FBXL7: variants seen among roughly 807,000 people sequenced by gnomAD.
FBXL7 encodes the protein F-box/LRR-repeat protein 7.
FBXL7 carries 12 observed loss-of-function variants against 38.3 expected under a neutral mutation model. The observed-to-expected ratio is 0.31, with a 90% CI of 0.20 to 0.51. The LOEUF (loss-of-function observed/expected upper bound fraction) is 0.51, where lower values mean the gene tolerates loss of function less well. Ranked by LOEUF, FBXL7 falls within the 20% of genes least tolerant of loss-of-function variation. The pLI is 0.98. For missense variants in FBXL7, 567 were observed against 676.4 expected, an observed-to-expected ratio of 0.84 and a Z score of 1.79; for synonymous variants, 297 against 300.9, an observed-to-expected ratio of 0.99 and a Z score of 0.13.
chr5:15,761,006 A>C (rs1204408414), intron 2 of FBXL7, among the ~76,000 whole-genome samples: 1 of 151,858 alleles, frequency 6.6e-6, no homozygotes, highest in South Asian at 2.1e-4. Context: ...CGAATATTGC[A>C]TGAATGGGAA....
At chr5:15,630,544 A>G (rs7736101) in intron 2 of FBXL7, among the ~76,000 whole-genome samples, 8,284 of 152,134 alleles carry the variant, frequency 0.054, 648 homozygotes, top group East Asian at 0.36. Flanking sequence ...TTCTTAGAGA[A>G]GAAAATAATA....
intron 2 of FBXL7, among the ~76,000 whole-genome samples, chr5:15,663,894 GTTA>G (rs942871609): frequency 2.0e-5 from 3 of 152,114 alleles, no homozygotes; most frequent in African/African-American, 7.2e-5. Context: ...CTGAAAGTCA[GTTA>G]TTATATCTTT....
At chr5:15,762,366 A>AGGGTGGGG (rs1561116459) in intron 2 of FBXL7, among the ~76,000 whole-genome samples, 8 of 140,120 alleles carry the variant, frequency 5.7e-5, no homozygotes, top group East Asian at 4.0e-4. Flanking sequence ...TCTGTTGGTT[A>AGGGTGGGG]GAAGCACCCT....
chr5:15,661,448 G>A (rs571729812), intron 2 of FBXL7, among the ~76,000 whole-genome samples: 1 of 152,200 alleles, frequency 6.6e-6, no homozygotes, highest in East Asian at 1.9e-4. Context: ...TAGAAGTAGT[G>A]ACAGCATACA....
intron 2 of FBXL7, among the ~76,000 whole-genome samples, chr5:15,676,567 A>G (rs1263198973): frequency 2.6e-5 from 4 of 152,208 alleles, no homozygotes; most frequent in Admixed American, 2.6e-4. Context: ...AGTTTTACGG[A>G]AAATATTTCT....
intron 2 of FBXL7, among the ~76,000 whole-genome samples, chr5:15,763,790 A>G (rs1736514970): frequency 6.6e-6 from 1 of 152,216 alleles, no homozygotes; most frequent in Non-Finnish European, 1.5e-5. Context: ...GAAAGAACCA[A>G]TAAAAAACAT....
At chr5:15,781,105 G>C (rs540594572) in intron 2 of FBXL7, among the ~76,000 whole-genome samples, 3 of 152,236 alleles carry the variant, frequency 2.0e-5, no homozygotes, top group East Asian at 1.9e-4. Flanking sequence ...GTACCACAAT[G>C]GTCCCGTTTG....
At chr5:15,734,388 G>A (rs527384154) in intron 2 of FBXL7, among the ~76,000 whole-genome samples, 2 of 152,200 alleles carry the variant, frequency 1.3e-5, no homozygotes, top group South Asian at 2.1e-4. Context: ...TGCTCTAAAT[G>A]TTACTAGCTG....
At chr5:15,601,487 G>A (rs1739790128) in intron 1 of FBXL7, among the ~76,000 whole-genome samples, 2 of 152,176 alleles carry the variant, frequency 1.3e-5, no homozygotes, top group Non-Finnish European at 2.9e-5. Flanking sequence ...GCTGGCATCT[G>A]TGTTAACTCT....
At chr5:15,503,251 T>C (rs1459232449) in intron 1 of FBXL7, among the ~76,000 whole-genome samples, 2 of 152,114 alleles carry the variant, frequency 1.3e-5, no homozygotes, top group South Asian at 4.2e-4. Flanking sequence ...TGAAACCCTG[T>C]CTCTACTAAA....
intron 1 of FBXL7, among the ~76,000 whole-genome samples, chr5:15,568,220 A>G (rs1738651052): frequency 6.6e-6 from 1 of 151,926 alleles, no homozygotes; most frequent in Non-Finnish European, 1.5e-5. Context: ...CCAACAGTGT[A>G]AAAGTGTTCC....
At chr5:15,705,321 G>T (rs557893430) in intron 2 of FBXL7, among the ~76,000 whole-genome samples, 1 of 152,276 alleles carries the variant, frequency 6.6e-6, no homozygotes, top group East Asian at 1.9e-4. Flanking sequence ...ACGTAAGCAT[G>T]CTAAATAGAT....
intron 2 of FBXL7, among the ~76,000 whole-genome samples, chr5:15,629,420 G>A (rs1221202524): frequency 6.6e-6 from 1 of 152,146 alleles, no homozygotes; most frequent in East Asian, 1.9e-4. Flanking sequence ...TCAATTTCTA[G>A]TATTGGGTAC....
chr5:15,667,814 C>T (rs1321901773), intron 2 of FBXL7, among the ~76,000 whole-genome samples: 1 of 152,224 alleles, frequency 6.6e-6, no homozygotes, highest in Non-Finnish European at 1.5e-5. Flanking sequence ...TATTTTCTTT[C>T]TAGTCACTAG....
chr5:15,839,254 T>C (rs1213535283), intron 2 of FBXL7, among the ~76,000 whole-genome samples: 1 of 152,114 alleles, frequency 6.6e-6, no homozygotes, highest in East Asian at 1.9e-4. Context: ...TGTAGTCAAA[T>C]TTATCTATCA....
Position 15,516,779 on chromosome 5 carries a change from T to C in FBXL7, c.37+16066T>C, listed in dbSNP as rs542746921. 3.3e-5 allele frequency among the ~76,000 whole-genome samples: 5 copies of C among 152,264 alleles called. No individual in the cohort carries two copies. In the East Asian group the frequency reaches 7.8e-4, roughly 24 times the overall value. ...GAGTTCTCACGAGATCTGACGGTTT[T>C]ATAAGGAGCTCTTCCCCCTTTTGGT... On this transcript the variant is annotated intron_variant, in intron 1 of 3. Coordinates refer to ENST00000504595, the MANE Select transcript of FBXL7 (RefSeq NM_012304.5).
Position 15,690,667 on chromosome 5 carries a change from T to C in FBXL7, c.127+74595T>C, listed in dbSNP as rs145949497. On this transcript the variant is annotated intron_variant, in intron 2 of 3. Transcript: ENST00000504595. ...ACGTGGATGAACCTAGAGGACATTATGTTAAGTGAAATAAGCCAAACAGAA... is the reference window on the plus strand; with the variant it reads ...ACGTGGATGAACCTAGAGGACATTACGTTAAGTGAAATAAGCCAAACAGAA... 3.9e-4 allele frequency among the ~76,000 whole-genome samples: 59 copies of C among 152,334 alleles called. 1 individual carries two copies. The East Asian group carries it at 0.011, about 28-fold the overall frequency.
intron 2 of FBXL7, among the ~76,000 whole-genome samples, chr5:15,874,397 G>C (rs970155655): frequency 3.3e-5 from 5 of 152,150 alleles, no homozygotes; most frequent in African/African-American, 9.7e-5. Context: ...ATTCAACATA[G>C]TATTGGAAGT....
intron 2 of FBXL7, among the ~76,000 whole-genome samples, chr5:15,751,915 A>G (rs1736165026): frequency 6.6e-6 from 1 of 152,238 alleles, no homozygotes; most frequent in Admixed American, 6.5e-5. Flanking sequence ...GAATCCATAG[A>G]GTCAGTATGA....
Sources: allele counts gnomAD v4.1 joint callset (sites outside exome capture counted in the v4.1 genomes callset), GRCh38; gene constraint gnomAD v4.1.1; transcripts MANE v1.5; gene names NCBI Gene and HGNC (gene_info 2026-07-23, HGNC 2026-07-21).